Variants in MARCHF1 observed in about 807,000 individuals in gnomAD.
MARCHF1 encodes the protein membrane associated ring-CH-type finger 1, also known as E3 ubiquitin-protein ligase MARCHF1.
MARCHF1 carries 40 observed loss-of-function variants against 54.2 expected under a neutral mutation model. The observed-to-expected ratio is 0.74, with a 90% confidence interval of 0.57 to 0.96. The LOEUF (loss-of-function observed/expected upper bound fraction) is 0.96, where lower values mean the gene tolerates loss of function less well. MARCHF1 is among the 40% of genes least tolerant of loss of function. The pLI is 0.00. For missense variants in MARCHF1, 586 were observed against 656.5 expected (o/e 0.89, Z 1.17); for synonymous variants, 236 against 236.3 (o/e 1.00, Z 0.01).
At chr4:164,095,313 G>C (rs1270022037) in intron 2 of MARCHF1, among the ~76,000 whole-genome samples, 1 of 151,844 alleles carries the variant, frequency 6.6e-6, no homozygotes, top group Non-Finnish European at 1.5e-5. Context: ...CATAGTAATA[G>C]CATATATGAC....
At position 163,528,038 on chromosome 4, in the gene MARCHF1, CCTGATAA is replaced by C. The variant is rs1266986245; in HGVS notation, c.*703_*709del. On this transcript the variant is annotated 3_prime_UTR_variant, in exon 10 of 10. Coordinates refer to ENST00000514618, the MANE Select transcript of MARCHF1 (RefSeq NM_001394959.1). The stretch of plus-strand genomic sequence containing the variant: ...GAACCAGATGAAAATAAATATAAGA[CCTGATAA>C]CAGTTCTGTGGGTATTTAACAGAGC... The C allele has an allele frequency of 3.5e-4, 53 of 152,530 alleles. No individual in the cohort carries two copies. Among genetic ancestry groups the C allele is most frequent in the African/African-American group, 1.2e-3 (51 of 41,504 alleles). 9.4% of individuals were successfully genotyped at this position (152,530 alleles called of 1,614,324 possible).
At chr4:163,622,602 C>G (rs1341588851) in intron 5 of MARCHF1, among the ~76,000 whole-genome samples, 4 of 152,072 alleles carry the variant, frequency 2.6e-5, no homozygotes, top group African/African-American at 9.7e-5. Flanking sequence ...TCCTAAGTAA[C>G]TATACGTAGC....
chr4:164,202,046 A>G (rs919846282), intron 1 of MARCHF1, among the ~76,000 whole-genome samples: 3 of 152,232 alleles, frequency 2.0e-5, no homozygotes, highest in African/African-American at 7.2e-5. Flanking sequence ...AAATGAAAAT[A>G]TATCAGCTCT....
intron 1 of MARCHF1, among the ~76,000 whole-genome samples, chr4:164,231,021 C>T (rs954582079): frequency 1.3e-5 from 2 of 152,082 alleles, no homozygotes; most frequent in African/African-American, 4.8e-5. Context: ...TTTCACCTTA[C>T]AACTAGCAGG....
At chr4:164,121,435 C>T (rs1297537454) in intron 1 of MARCHF1, among the ~76,000 whole-genome samples, 1 of 152,020 alleles carries the variant, frequency 6.6e-6, no homozygotes, top group South Asian at 2.1e-4. Flanking sequence ...GGGAAGAAAA[C>T]ACGTCCTTCT....
At chr4:163,667,278 T>C (rs1343380707) in intron 5 of MARCHF1, among the ~76,000 whole-genome samples, 2 of 152,130 alleles carry the variant, frequency 1.3e-5, no homozygotes, top group Non-Finnish European at 2.9e-5. Flanking sequence ...GCTGCATTCT[T>C]GGCTGAAACT....
At chr4:163,664,456 G>A (rs943234262) in intron 5 of MARCHF1, among the ~76,000 whole-genome samples, 5 of 152,016 alleles carry the variant, frequency 3.3e-5, no homozygotes, top group Admixed American at 1.3e-4. Flanking sequence ...TAAAAGAGAT[G>A]AAACTTAAAA....
chr4:163,803,903 C>T (rs1489005334), intron 4 of MARCHF1, among the ~76,000 whole-genome samples: 2 of 152,212 alleles, frequency 1.3e-5, no homozygotes, highest in Non-Finnish European at 2.9e-5. Flanking sequence ...GAATTTCTGA[C>T]TTCTGCAGCT....
chr4:163,696,681 A>G (rs1294542063), intron 5 of MARCHF1, among the ~76,000 whole-genome samples: 1 of 152,078 alleles, frequency 6.6e-6, no homozygotes, highest in African/African-American at 2.4e-5. Context: ...CTTCCTTATG[A>G]TCTATGTTTT....
rs116669007 is a variant in MARCHF1 at position 163,753,604 on chromosome 4, A to G, written c.112-52741T>C. ...AACTCTGAGCCTTACTAGTTCATTA[A>G]TATCATGGCTGGACCTAAAGACGGG... On this transcript the variant is annotated intron_variant, in intron 4 of 9. Coordinates refer to ENST00000514618, the MANE Select transcript of MARCHF1 (RefSeq NM_001394959.1). Among the ~76,000 whole-genome samples the G allele has an allele frequency of 7.6e-3, 1,151 of 152,320 alleles. 8 individuals are homozygous for G. Among genetic ancestry groups the G allele is most frequent in the South Asian group, 0.022 (104 of 4,828 alleles).
At chr4:164,258,547 G>A (rs6853526) in intron 1 of MARCHF1, among the ~76,000 whole-genome samples, 17,576 of 151,726 alleles carry the variant, frequency 0.12, 1,582 homozygotes, top group African/African-American at 0.25. Context: ...TCATTTTACC[G>A]TTGTGTCTTG....
intron 3 of MARCHF1, among the ~76,000 whole-genome samples, chr4:163,984,817 C>A (rs1317631982): frequency 6.6e-6 from 1 of 152,052 alleles, no homozygotes; most frequent in East Asian, 1.9e-4. Flanking sequence ...TTAATAGAAG[C>A]AAATGGTCTA....
chr4:163,823,191 G>T lies in MARCHF1; in HGVS notation c.111+30830C>A, dbSNP rs989385453. Among the ~76,000 whole-genome samples the T allele has an allele frequency of 5.3e-5, 8 of 151,634 alleles. 1 individual carries two copies. Among genetic ancestry groups the T allele is most frequent in the African/African-American group, 1.7e-4 (7 of 41,344 alleles). The stretch of plus-strand genomic sequence containing the variant: ...AAGTATTCTGATATCTGACATTTGT[G>T]TCAGAAAAACAATAGTTATACAATT... On this transcript the variant is annotated intron_variant, in intron 4 of 9. Coordinates refer to ENST00000514618, the MANE Select transcript of MARCHF1 (RefSeq NM_001394959.1).
intron 8 of MARCHF1, among the ~76,000 whole-genome samples, chr4:163,545,947 ATGTG>A (rs70948653): frequency 0.35 from 51,838 of 148,876 alleles, 9,672 homozygotes; most frequent in Non-Finnish European, 0.43. Context: ...TTAAATACAT[ATGTG>A]TGTGTGTGTG....
intron 9 of MARCHF1, chr4:163,530,558 G>GA (rs944765401): frequency 6.6e-6 from 1 of 151,810 alleles, no homozygotes; most frequent in Non-Finnish European, 1.5e-5. Context: ...AATTTTTGGG[G>GA]AAAAAATGTT....
intron 3 of MARCHF1, among the ~76,000 whole-genome samples, chr4:163,854,544 A>G (rs918258086): frequency 2.0e-5 from 3 of 152,222 alleles, no homozygotes; most frequent in Admixed American, 1.3e-4. Context: ...ACATATTTCA[A>G]TGACATCTAA....
intron 1 of MARCHF1, among the ~76,000 whole-genome samples, chr4:164,208,940 G>C (rs1731687727): frequency 6.6e-6 from 1 of 151,286 alleles, no homozygotes; most frequent in African/African-American, 2.4e-5. Flanking sequence ...GTAATACCCT[G>C]TTTCTCTGTC....
intron 1 of MARCHF1, chr4:164,197,264 C>G (rs763695641): frequency 5.0e-6 from 8 of 1,611,030 alleles, no homozygotes; most frequent in Admixed American, 1.7e-5. Flanking sequence ...TAAGGGGCCT[C>G]CTTGTGGTCC....
At chr4:163,766,178 T>C (rs1386390171) in intron 4 of MARCHF1, among the ~76,000 whole-genome samples, 1 of 151,860 alleles carries the variant, frequency 6.6e-6, no homozygotes. Flanking sequence ...ACGCCAGAGG[T>C]GTGGTGACAC....
Sources: gnomAD v4.1 joint callset for allele counts (sites outside exome capture counted in the v4.1 genomes callset) on GRCh38, gnomAD v4.1.1 for gene constraint, MANE v1.5 for transcripts, NCBI Gene and HGNC (gene_info 2026-07-23, HGNC 2026-07-21) for gene names.